The following MCU variants were observed in gnomAD, a reference collection of about 807,000 sequenced individuals.
MCU encodes the protein mitochondrial calcium uniporter.
MCU carries 12 observed loss-of-function variants against 45.2 expected under a neutral mutation model. The observed-to-expected ratio is 0.27, with a 90% CI of 0.17 to 0.43. MCU has a LOEUF of 0.43. Among genes scored for constraint, MCU ranks in the 20% least tolerant of loss-of-function variants. The pLI is 1.00. For missense variants in MCU, 324 were observed against 436.7 expected (o/e 0.74, Z 2.30); for synonymous variants, 160 against 165.1 (o/e 0.97, Z 0.24).
At chr10:72,845,846 T>G (rs1287846946) in intron 2 of MCU, among the ~76,000 whole-genome samples, 3 of 152,172 alleles carry the variant, frequency 2.0e-5, no homozygotes, top group Non-Finnish European at 4.4e-5. Context: ...AGTGAATATT[T>G]CCAGAAATAC....
chr10:72,834,408 G>A lies in MCU; in HGVS notation c.200G>A (p.Ser67Asn). ...SWQNLGAVYC[S>N]TVVPSDDVTV... ...CAGAATTTGGGAGCTGTTTATTGCA[G>A]CACTGTTGTGCCCTCTGATGGTGAG... is the stretch of plus-strand genomic sequence containing the variant. Residue 67 changes from serine to asparagine, a missense_variant, in exon 2 of 8, where the codon AGC becomes AAC. By Grantham distance (46) the Ser-to-Asn change is conservative (BLOSUM62 1). Transcript: ENST00000373053. 1.2e-6 allele frequency: 2 copies of A among 1,613,652 alleles called. No individual in the cohort carries two copies. Among genetic ancestry groups the A allele is most frequent in the Non-Finnish European group, 1.7e-6 (2 of 1,179,682 alleles).
At chr10:72,774,382 A>C (rs918108928) in intron 1 of MCU, among the ~76,000 whole-genome samples, 1 of 152,162 alleles carries the variant, frequency 6.6e-6, no homozygotes. Flanking sequence ...TGTAAGCCTC[A>C]TGGTAACCAG....
intron 1 of MCU, among the ~76,000 whole-genome samples, chr10:72,732,799 T>G (rs1296477326): frequency 1.3e-5 from 2 of 152,252 alleles, no homozygotes; most frequent in South Asian, 2.1e-4. Flanking sequence ...TTGGTTTAAC[T>G]AGATCATGTA....
intron 1 of MCU, among the ~76,000 whole-genome samples, chr10:72,787,984 T>C (rs1361757649): frequency 6.6e-6 from 1 of 152,200 alleles, no homozygotes; most frequent in Non-Finnish European, 1.5e-5. Context: ...CCCAAAGTGC[T>C]GGGATTACAG....
rs1029927018 is a variant in MCU at position 72,886,080 on chromosome 10, A to G, written c.*258A>G. ...GTTTCTGGATGAAAATGATGCAGTT[A>G]TATAGTTGAGAGATTCATAAAGAGA... is the stretch of plus-strand genomic sequence containing the variant. On this transcript the variant is annotated 3_prime_UTR_variant, in exon 8 of 8. Coordinates refer to ENST00000373053, the MANE Select transcript of MCU (RefSeq NM_138357.3). 15 of 378,928 alleles carry G rather than the reference A, an allele frequency of 4.0e-5. No homozygotes were observed. Among genetic ancestry groups the G allele is most frequent in the Non-Finnish European group, 7.2e-5 (15 of 209,528 alleles). 23.5% of individuals were successfully genotyped at this position (378,928 alleles called of 1,614,324 possible).
intron 1 of MCU, among the ~76,000 whole-genome samples, chr10:72,741,739 A>G (rs1053018031): frequency 6.6e-6 from 1 of 152,234 alleles, no homozygotes; most frequent in South Asian, 2.1e-4. Flanking sequence ...CTGCAAAACG[A>G]CATTGGAGAC....
At chr10:72,706,577 C>T (rs1472107251) in intron 1 of MCU, among the ~76,000 whole-genome samples, 27 of 150,302 alleles carry the variant, frequency 1.8e-4, no homozygotes, top group South Asian at 4.2e-4. Flanking sequence ...CTCGCTCTGT[C>T]GCCAGGCTGG....
intron 1 of MCU, among the ~76,000 whole-genome samples, chr10:72,806,770 G>C (rs542489107): frequency 2.6e-5 from 4 of 152,320 alleles, no homozygotes; most frequent in Admixed American, 1.3e-4. Flanking sequence ...TTTTTGAGGA[G>C]GGGTTGTTTA....
chr10:72,813,016 T>C (rs1457319814), intron 1 of MCU, among the ~76,000 whole-genome samples: 2 of 152,198 alleles, frequency 1.3e-5, no homozygotes, highest in Non-Finnish European at 2.9e-5. Flanking sequence ...ACATGAGGGT[T>C]CCTTGCTGCC....
intron 1 of MCU, among the ~76,000 whole-genome samples, chr10:72,739,643 C>G (rs765999213): frequency 6.6e-6 from 1 of 151,934 alleles, no homozygotes; most frequent in Non-Finnish European, 1.5e-5. Context: ...TATTCAGCCT[C>G]TTTCCTCTAA....
At chr10:72,712,971 G>A (rs1336736722) in intron 1 of MCU, among the ~76,000 whole-genome samples, 1 of 152,162 alleles carries the variant, frequency 6.6e-6, no homozygotes, top group Non-Finnish European at 1.5e-5. Context: ...TAAATTGGAT[G>A]GTTTCCAGGG....
At chr10:72,829,941 G>T (rs529955916) in intron 1 of MCU, among the ~76,000 whole-genome samples, 39 of 152,334 alleles carry the variant, frequency 2.6e-4, no homozygotes, top group Non-Finnish European at 5.4e-4. Context: ...TACTTAATAT[G>T]TAGTATTTTA....
chr10:72,882,490 A>C (rs942784709), intron 6 of MCU, among the ~76,000 whole-genome samples: 3 of 152,172 alleles, frequency 2.0e-5, no homozygotes, highest in Non-Finnish European at 4.4e-5. Context: ...TTGGGTCTCT[A>C]AAATGGCCCC....
chr10:72,780,927 A>G (rs1291605869), intron 1 of MCU, among the ~76,000 whole-genome samples: 3 of 152,198 alleles, frequency 2.0e-5, no homozygotes, highest in African/African-American at 7.2e-5. Context: ...ATGGTGTTTT[A>G]ATTTGGTGAC....
intron 1 of MCU, among the ~76,000 whole-genome samples, chr10:72,810,047 T>C (rs908340267): frequency 1.6e-4 from 24 of 151,930 alleles, no homozygotes; most frequent in African/African-American, 5.8e-4. Context: ...CGTGAACATA[T>C]GTGTATGGGG....
At chr10:72,809,170 C>T (rs1422718983) in intron 1 of MCU, among the ~76,000 whole-genome samples, 1 of 152,140 alleles carries the variant, frequency 6.6e-6, no homozygotes, top group African/African-American at 2.4e-5. Context: ...GTTTTGAGTG[C>T]CAGGCACGTG....
chr10:72,701,710 C>T (rs567489967), intron 1 of MCU, among the ~76,000 whole-genome samples: 2 of 151,848 alleles, frequency 1.3e-5, no homozygotes, highest in African/African-American at 4.8e-5. Context: ...GTATTTTCTT[C>T]TTAGTAGAGA....
chr10:72,783,900 C>A (rs1389129517), intron 1 of MCU, among the ~76,000 whole-genome samples: 1 of 152,090 alleles, frequency 6.6e-6, no homozygotes, highest in Non-Finnish European at 1.5e-5. Context: ...TTGTTCTTGA[C>A]TCTTTAGTTT....
At chr10:72,733,699 A>AT (rs1377685044) in intron 1 of MCU, among the ~76,000 whole-genome samples, 7 of 98,590 alleles carry the variant, frequency 7.1e-5, no homozygotes, top group African/African-American at 2.8e-4. Context: ...ATATATATAT[A>AT]TATATTTTTT....
Sources: allele counts gnomAD v4.1 joint callset (sites outside exome capture counted in the v4.1 genomes callset), GRCh38; gene constraint gnomAD v4.1.1; transcripts MANE v1.5; gene names NCBI Gene and HGNC (gene_info 2026-07-23, HGNC 2026-07-21).